TSPOAP1: variants seen among roughly 807,000 people sequenced by gnomAD.
The protein encoded by TSPOAP1 is TSPO associated protein 1.
TSPOAP1 carries 87 observed loss-of-function variants against 197.0 expected under a neutral mutation model. The observed-to-expected ratio is 0.44, with a 90% CI of 0.37 to 0.53. The LOEUF (loss-of-function observed/expected upper bound fraction) is 0.53, where lower values mean the gene tolerates loss of function less well. TSPOAP1 is among the 20% of genes least tolerant of loss of function. TSPOAP1 has a pLI of 0.00. For synonymous variants in TSPOAP1, 913 were observed against 998.9 expected (o/e 0.91, Z 1.62); for missense variants, 2,174 against 2,411.3 (o/e 0.90, Z 2.06).
At position 58,318,950 on chromosome 17, in the gene TSPOAP1, C is replaced by A. The variant is rs1298925124; in HGVS notation, c.1699+140G>T. The stretch of plus-strand genomic sequence containing the variant: ...TGGGCTTTATTTTTCCCCAACAGAA[C>A]GTGGTTCTAGCCAGGCACAGCTCTA... On this transcript the variant is annotated intron_variant, in intron 13 of 31. Coordinates refer to ENST00000343736, the MANE Select transcript of TSPOAP1 (RefSeq NM_004758.4). The A allele has an allele frequency of 4.1e-6, 4 of 981,304 alleles. No individual in the cohort carries two copies. The African/African-American group carries it at 4.9e-5, about 12-fold the overall frequency. The allele number at this position is 981,304 out of a possible 1,614,324, so 60.8% of individuals were successfully genotyped here.
rs1408131209 is a variant in TSPOAP1 at position 58,306,570 on chromosome 17, G to A, written c.5153-157C>T. ...GACAAGAGCCCCACCCAACCTCCAGGACCCAAAATTCCTGGCTGCATGGCT... is the reference window on the plus strand; with the variant it reads ...GACAAGAGCCCCACCCAACCTCCAGAACCCAAAATTCCTGGCTGCATGGCT... On this transcript the variant is annotated intron_variant, in intron 25 of 31. Coordinates refer to ENST00000343736, the MANE Select transcript of TSPOAP1 (RefSeq NM_004758.4). The A allele has an allele frequency of 5.3e-6, 5 of 936,410 alleles. No individual in the cohort carries two copies. In the African/African-American group the frequency reaches 8.4e-5, roughly 16 times the overall value. 58.0% of individuals were successfully genotyped at this position (936,410 alleles called of 1,614,324 possible). A position where few individuals can be genotyped will look rare whatever the true frequency, so the allele number is the denominator to read the frequency against.
rs1444836120 is a variant in TSPOAP1 at position 58,319,235 on chromosome 17, C to T, written c.1554G>A (p.Leu518=). The T allele has an allele frequency of 6.3e-7, 1 of 1,599,220 alleles. No homozygotes were observed. The highest frequency in any genetic ancestry group is 8.5e-7 in the Non-Finnish European group (1 of 1,173,058). Residue 518 remains leucine (L), a synonymous_variant, in exon 13 of 32, where the codon CTG becomes CTA. Coordinates refer to ENST00000343736, the MANE Select transcript of TSPOAP1 (RefSeq NM_004758.4). ...GGCGGAAAGCCTGGAGTTCCTGTGC[C>T]AGGAGGCTGAACTGCTCGGTTTGGC... ...CRSQTEQFSL[L]AQELQAFRLH...
intron 7 of TSPOAP1, 22 bp from the exon 8 acceptor site, chr17:58,323,061 C>A: frequency 6.3e-7 from 1 of 1,593,972 alleles, no homozygotes; most frequent in African/African-American, 1.3e-5. Flanking sequence ...GAGGAGCTCT[C>A]AGGAGGGAGC....
At chr17:58,307,790 C>T (rs572489360) in intron 23 of TSPOAP1, 28 bp from the exon 24 acceptor site, 14 of 1,613,578 alleles carry the variant, frequency 8.7e-6, no homozygotes, top group South Asian at 4.4e-5. Context: ...AGGGCGGTGA[C>T]GCAGCGAGCT....
chr17:58,318,977 C>G, intron 13 of TSPOAP1, 113 bp downstream of exon 13: 3 of 1,208,964 alleles, frequency 2.5e-6, no homozygotes, highest in Non-Finnish European at 3.3e-6. Context: ...ACAGCTCTAA[C>G]CTGCTGTGTG....
chr17:58,309,362 A>T lies in TSPOAP1; in HGVS notation c.3910T>A (p.Cys1304Ser). 8 of 1,611,602 alleles carry T rather than the reference A, an allele frequency of 5.0e-6. No homozygotes were observed. The highest frequency in any genetic ancestry group is 6.8e-6 in the Non-Finnish European group (8 of 1,179,484). ...ATCTCCTCATCGCTGTCAGTCTCAC[A>T]AAAGGGGTCGGGCTGGGACTGGTGG... ...NGAKSQPDPF[C>S]ETDSDEEILE... The change falls in exon 22 of 32, where the codon TGT becomes AGT. Residue 1304 changes from cysteine to serine, a missense_variant. Cys to Ser is a moderately radical substitution (Grantham distance 112, BLOSUM62 -1). Coordinates refer to ENST00000343736, the MANE Select transcript of TSPOAP1 (RefSeq NM_004758.4). The surrounding 1 kb of genome is among the most constrained non-coding windows in gnomAD (Gnocchi z 5.0).
chr17:58,320,477 C>A, intron 11 of TSPOAP1, 54 bp downstream of exon 11: 1 of 1,462,100 alleles, frequency 6.8e-7, no homozygotes, highest in Non-Finnish European at 9.1e-7. Flanking sequence ...ATCTGGAGGA[C>A]CCCCGCCTTC....
chr17:58,307,687 T>C lies in TSPOAP1; in HGVS notation c.4907A>G (p.Tyr1636Cys). 1 of 1,613,410 alleles carries C rather than the reference T, an allele frequency of 6.2e-7. No individual in the cohort carries two copies. Among genetic ancestry groups the C allele is most frequent in the East Asian group, 2.2e-5 (1 of 44,874 alleles). Residue 1636 changes from tyrosine to cysteine, a missense_variant, in exon 24 of 32, where the codon TAT (tyrosine) becomes TGT (cysteine). By Grantham distance (194) the Tyr-to-Cys change is radical. Coordinates refer to ENST00000343736, the MANE Select transcript of TSPOAP1 (RefSeq NM_004758.4). ...ATTGGGCGACATTGACACGGGGTCA[T>C]AGTCAAACAGAGCCACAAAGATCCT... Reference protein sequence around the residue: ...PVRIFVALFDYDPVSMSPNPD... With the variant: ...PVRIFVALFDCDPVSMSPNPD...
At position 58,320,240 on chromosome 17, in the gene TSPOAP1, C is replaced by T. The variant is rs1971365416; in HGVS notation, c.1474-111G>A. 17 of 1,330,718 alleles carry T rather than the reference C, an allele frequency of 1.3e-5. No homozygotes were observed. In the South Asian group the frequency reaches 2.0e-4, roughly 15 times the overall value. The allele number at this position is 1,330,718 out of a possible 1,614,324, so 82.4% of individuals were successfully genotyped here. ...CTAAGTGGATATCATCCAGTCAGCT[C>T]CCTGGACTGACTAGCAGTTCCTAAA... is the stretch of plus-strand genomic sequence containing the variant. On this transcript the variant is annotated intron_variant, in intron 11 of 31. Coordinates refer to ENST00000343736, the MANE Select transcript of TSPOAP1 (RefSeq NM_004758.4).
chr17:58,305,076 G>A lies in TSPOAP1; in HGVS notation c.5529C>T (p.Pro1843=), dbSNP rs372177919. The A allele has an allele frequency of 2.0e-5, 32 of 1,613,682 alleles. No homozygotes were observed. Among genetic ancestry groups the A allele is most frequent in the Non-Finnish European group, 2.6e-5 (31 of 1,179,790 alleles). Residue 1843 remains proline (P), a synonymous_variant, in exon 30 of 32, where the codon CCC becomes CCT. Coordinates refer to ENST00000343736, the MANE Select transcript of TSPOAP1 (RefSeq NM_004758.4). ...AGGLDREPRT[P]QAESQRTRRR... is the part of the protein sequence containing the mutation. ...CCTCACTGACCTGACTCTCAGCCTG[G>A]GGTGTCCTGGGTTCCCTGTCCAGGC...
At position 58,324,908 on chromosome 17, in the gene TSPOAP1, C is replaced by A; in HGVS notation, c.845G>T (p.Arg282Leu). 2.0e-6 allele frequency: 3 copies of A among 1,536,142 alleles called. No homozygotes were observed. The highest frequency in any genetic ancestry group is 2.6e-6 in the Non-Finnish European group (3 of 1,145,510). ...GAGCGGGAGCGTCTCCCGCTGGTTG[C>A]GCAGCGCGATCTGCCTCTGCAGCCG... ...VLRLQRQIAL[R>L]NQRETLPLPP... is the part of the protein sequence containing the mutation. The change falls in exon 5 of 32, where the codon CGC becomes CTC. Residue 282 changes from arginine to leucine, a missense_variant. By Grantham distance (102) the Arg-to-Leu change is moderately radical. This residue lies in a region of TSPOAP1 where 1,933 missense variants were observed against 2,139.0 expected (regional missense o/e 0.90). Coordinates refer to ENST00000343736, the MANE Select transcript of TSPOAP1 (RefSeq NM_004758.4). This position sits in a 1 kb window ranked among gnomAD's most constrained non-coding sequence, Gnocchi z 5.8.
Position 58,312,293 on chromosome 17 carries a change from G to A in TSPOAP1, c.2528C>T (p.Ala843Val), listed in dbSNP as rs1971098181. ...QALGPGAPPKAVLENLDLWAG... is the reference protein window; with the variant it reads ...QALGPGAPPKVVLENLDLWAG... ...CCACAGGTCCAGGTTCTCCAGCACG[G>A]CCTTGGGTGGCGCCCCAGGCCCCAG... Residue 843 changes from alanine (A) to valine (V), a missense_variant, in exon 17 of 32, where the codon GCC becomes GTC. Ala to Val is a moderately conservative substitution (Grantham distance 64). Around this residue, in one of 5 missense-constraint regions of TSPOAP1, gnomAD observed 1,933 missense variants for 2,139.0 expected, o/e 0.90. Coordinates refer to ENST00000343736, the MANE Select transcript of TSPOAP1 (RefSeq NM_004758.4). 1 of 1,612,754 alleles carries A rather than the reference G, an allele frequency of 6.2e-7. No homozygotes were observed. The highest frequency in any genetic ancestry group is 8.5e-7 in the Non-Finnish European group (1 of 1,179,798).
Position 58,310,735 on chromosome 17 carries a change from G to A in TSPOAP1, c.3476C>T (p.Ala1159Val), listed in dbSNP as rs1971053169. 1.2e-6 allele frequency: 2 copies of A among 1,612,316 alleles called. No individual in the cohort carries two copies. The highest frequency in any genetic ancestry group is 1.7e-6 in the Non-Finnish European group (2 of 1,179,578). ...APCSQEEAGA[A>V]VLGTSEERTA... ...CCTCTCCTCTGAGGTGCCCAGCACT[G>A]CTGCCCCAGCCTCCTCCTGGAACAG... Residue 1159 changes from alanine (A) to valine (V), a missense_variant, in exon 20 of 32, where the codon GCA becomes GTA. Ala to Val is a moderately conservative substitution (Grantham distance 64, BLOSUM62 0). Around this residue, in one of 5 missense-constraint regions of TSPOAP1, gnomAD observed 1,933 missense variants for 2,139.0 expected, o/e 0.90. Coordinates refer to ENST00000343736, the MANE Select transcript of TSPOAP1 (RefSeq NM_004758.4).
At position 58,306,641 on chromosome 17, in the gene TSPOAP1, G is replaced by A. The variant is rs568783782; in HGVS notation, c.5152+159C>T. 322 of 1,022,068 alleles carry A rather than the reference G, an allele frequency of 3.2e-4. 4 individuals carry two copies. The Middle Eastern group carries it at 3.8e-3, about 12-fold the overall frequency. 63.3% of individuals were successfully genotyped at this position (1,022,068 alleles called of 1,614,324 possible). A position where few individuals can be genotyped will look rare whatever the true frequency, so the allele number is the denominator to read the frequency against. ...CGCCCACTCCACGCGGCCAGCCCAC[G>A]TACAGTCTGACCACTACGCAGCAGG... is the stretch of plus-strand genomic sequence containing the variant. On this transcript the variant is annotated intron_variant, in intron 25 of 31. Coordinates refer to ENST00000343736, the MANE Select transcript of TSPOAP1 (RefSeq NM_004758.4).
intron 16 of TSPOAP1, 77 bp downstream of exon 16, chr17:58,315,946 T>G: frequency 9.3e-7 from 1 of 1,079,130 alleles, no homozygotes; most frequent in Non-Finnish European, 1.4e-6. Context: ...GATGGATGGA[T>G]GGATGGATAT....
chr17:58,306,725 C>T, intron 25 of TSPOAP1, 75 bp downstream of exon 25: 1 of 1,538,514 alleles, frequency 6.5e-7, no homozygotes, highest in South Asian at 1.2e-5. Flanking sequence ...ACCCCAGACA[C>T]AACAATTGCT....
chr17:58,321,446 C>T (rs1416053998), intron 10 of TSPOAP1, among the ~76,000 whole-genome samples: 2 of 152,072 alleles, frequency 1.3e-5, no homozygotes, highest in Admixed American at 6.6e-5. Flanking sequence ...TACAGGGGCC[C>T]GCCACCATGT....
chr17:58,326,547 T>A lies in TSPOAP1; in HGVS notation c.442-126A>T. 8 of 1,540,518 alleles carry A rather than the reference T, an allele frequency of 5.2e-6. No homozygotes were observed. Among genetic ancestry groups the A allele is most frequent in the East Asian group, 2.3e-5 (1 of 44,236 alleles). On this transcript the variant is annotated intron_variant, in intron 2 of 31. Coordinates refer to ENST00000343736, the MANE Select transcript of TSPOAP1 (RefSeq NM_004758.4). The surrounding 1 kb of genome is among the most constrained non-coding windows in gnomAD (Gnocchi z 4.7). ...GTCCTTGGCAACTCTAGGCAGGGGT[T>A]CACCCTCTCTGGGTCTCAGGATTTT...
chr17:58,307,937 G>A lies in TSPOAP1; in HGVS notation c.4736C>T (p.Thr1579Ile). ...CTGCCCTCTGGCCTCTCCGGTCTCT[G>A]TTGCCTGCAAAAAGAGGGCAACAGA... ...GRAKEPLSRA[T>I]ETGEARGQDG... Residue 1579 changes from threonine to isoleucine, a missense_variant, in exon 23 of 32, where the codon ACA (threonine) becomes ATA (isoleucine). By Grantham distance (89) the Thr-to-Ile change is moderately conservative (BLOSUM62 -1). Around this residue, in one of 5 missense-constraint regions of TSPOAP1, gnomAD observed 1,933 missense variants for 2,139.0 expected, o/e 0.90. Coordinates refer to ENST00000343736, the MANE Select transcript of TSPOAP1 (RefSeq NM_004758.4). 1 of 1,610,698 alleles carries A rather than the reference G, an allele frequency of 6.2e-7. No homozygotes were observed. Among genetic ancestry groups the A allele is most frequent in the Non-Finnish European group, 8.5e-7 (1 of 1,178,786 alleles).
Sources: allele counts gnomAD v4.1 joint callset (sites outside exome capture counted in the v4.1 genomes callset), GRCh38; gene constraint gnomAD v4.1.1; regional missense constraint gnomAD v4.1.1; non-coding constraint Gnocchi (gnomAD v3.1); transcripts MANE v1.5; gene names NCBI Gene and HGNC (gene_info 2026-07-23, HGNC 2026-07-21).